The following HERC2 variants were observed in gnomAD, a reference collection of about 807,000 sequenced individuals.
HERC2 encodes HECT and RLD domain containing E3 ubiquitin protein ligase 2.
A neutral mutation model predicts 537.7 loss-of-function variants in HERC2; 102 were observed. The ratio of observed to expected loss-of-function variants is 0.19; its 90% CI spans 0.16 to 0.22. The LOEUF (loss-of-function observed/expected upper bound fraction) is 0.22. Among genes scored for constraint, HERC2 ranks in the 10% least tolerant of loss-of-function variants. The pLI is 1.00. For synonymous variants in HERC2, 2,224 were observed against 2,466.2 expected (o/e 0.90, Z 2.91); for missense variants, 4,236 against 6,198.2 (o/e 0.68, Z 10.63).
At chr15:28,319,484 C>T (rs2077175832) in intron 2 of HERC2, among the ~76,000 whole-genome samples, 1 of 149,002 alleles carries the variant, frequency 6.7e-6, no homozygotes, top group Non-Finnish European at 1.5e-5. Context: ...ACTCGGAAGG[C>T]TGAGGCGGGA....
intron 79 of HERC2, among the ~76,000 whole-genome samples, chr15:28,133,307 G>A (rs1376117352): frequency 2.0e-5 from 3 of 152,052 alleles, no homozygotes; most frequent in South Asian, 2.1e-4. Context: ...CAAACTTTTT[G>A]TTTTCTTATT....
chr15:28,154,039 T>C (rs1295757460), intron 69 of HERC2, among the ~76,000 whole-genome samples: 1 of 152,206 alleles, frequency 6.6e-6, no homozygotes, highest in African/African-American at 2.4e-5. Context: ...GTGTTCTTAT[T>C]TTATTTTAAA....
intron 56 of HERC2, among the ~76,000 whole-genome samples, 158 bp from the exon 57 acceptor site, chr15:28,182,670 G>A (rs1455618770): frequency 6.7e-6 from 1 of 148,706 alleles, no homozygotes; most frequent in Middle Eastern, 3.4e-3. Flanking sequence ...CCTCAAGCAT[G>A]TACAGGAGTA....
chr15:28,262,786 G>A (rs1329456898), intron 15 of HERC2, 132 bp downstream of exon 15: 2 of 927,512 alleles, frequency 2.2e-6, no homozygotes, highest in East Asian at 4.9e-5. Context: ...GTCCATTCAT[G>A]GAATGTCAGG....
At chr15:28,201,314 G>C in intron 48 of HERC2, 142 bp downstream of exon 48, 2 of 641,304 alleles carry the variant, frequency 3.1e-6, no homozygotes. Flanking sequence ...TGAGCTCACT[G>C]GTCAGGTATG....
At position 28,220,488 on chromosome 15, in the gene HERC2, G is replaced by A. The variant is rs570557892; in HGVS notation, c.5809C>T (p.Pro1937Ser). The change falls in exon 37 of 93, where the codon CCC becomes TCC. Residue 1937 changes from proline to serine, a missense_variant. This residue lies in a region of HERC2 where 365 missense variants were observed against 468.8 expected (regional missense o/e 0.78). Coordinates refer to ENST00000261609, the MANE Select transcript of HERC2 (RefSeq NM_004667.6). ...KLAELPAAAQ[P>S]SAEDSDTEDD... ...TCTGTGTCCGAATCCTCTGCTGAGG[G>A]CTGTGCAGCAGCCGGCAGCTCTGCC... 2 of 1,605,374 alleles carry A rather than the reference G, an allele frequency of 1.2e-6. No homozygotes were observed. The highest frequency in any genetic ancestry group is 1.3e-5 in the African/African-American group (1 of 74,970).
At chr15:28,277,577 A>G (rs1048383904) in intron 5 of HERC2, among the ~76,000 whole-genome samples, 1 of 152,220 alleles carries the variant, frequency 6.6e-6, no homozygotes, top group African/African-American at 2.4e-5. Flanking sequence ...CAGCAGAGAA[A>G]AATCAGCTGG....
intron 90 of HERC2, 141 bp downstream of exon 90, chr15:28,114,471 T>C (rs181476446): frequency 4.4e-6 from 3 of 683,520 alleles, no homozygotes; most frequent in Non-Finnish European, 7.4e-6. Context: ...ATAAGCTTTA[T>C]ACCCACAGAT....
At chr15:28,153,050 A>C (rs543933246) in intron 69 of HERC2, among the ~76,000 whole-genome samples, 1 of 152,290 alleles carries the variant, frequency 6.6e-6, no homozygotes, top group African/African-American at 2.4e-5. Context: ...CTTAGGGATG[A>C]TCTATGTTAA....
Position 28,256,379 on chromosome 15 carries a change from A to G in HERC2, c.2518-62T>C, listed in dbSNP as rs2075262077. On this transcript the variant is annotated intron_variant, in intron 17 of 92. Transcript: ENST00000261609. ...AAAAATGAGTGAATTTCAAAGTCTTATTAAACACTGAATAAAAGTCAATTT... is the reference window on the plus strand; with the variant it reads ...AAAAATGAGTGAATTTCAAAGTCTTGTTAAACACTGAATAAAAGTCAATTT... The G allele has an allele frequency of 2.8e-6, 3 of 1,067,452 alleles. No individual in the cohort carries two copies. In the African/African-American group the frequency reaches 4.7e-5, roughly 17 times the overall value. The allele number at this position is 1,067,452 out of a possible 1,614,324, so 66.1% of individuals were successfully genotyped here. A position where few individuals can be genotyped will look rare whatever the true frequency, so the allele number is the denominator to read the frequency against.
At chr15:28,115,968 C>T (rs1888191907) in intron 88 of HERC2, among the ~76,000 whole-genome samples, 1 of 152,194 alleles carries the variant, frequency 6.6e-6, no homozygotes, top group Non-Finnish European at 1.5e-5. Flanking sequence ...GACCTCACCC[C>T]ACTCTGATCC....
chr15:28,133,317 T>C (rs920541693), intron 79 of HERC2, among the ~76,000 whole-genome samples: 2 of 152,222 alleles, frequency 1.3e-5, no homozygotes, highest in African/African-American at 2.4e-5. Context: ...GTTTTCTTAT[T>C]AAGTTCTGAA....
chr15:28,302,803 CTTCTT>C (rs1293760177), intron 2 of HERC2, among the ~76,000 whole-genome samples: 1 of 151,152 alleles, frequency 6.6e-6, no homozygotes, highest in Non-Finnish European at 1.5e-5. Context: ...ATTTGTATAT[CTTCTT>C]TTGAGAAATG....
chr15:28,272,340 C>T lies in HERC2; in HGVS notation c.958G>A (p.Gly320Arg), dbSNP rs746579142. The change falls in exon 9 of 93, where the codon GGG becomes AGG. Residue 320 changes from glycine (G) to arginine (R), a missense_variant. Around this residue, in one of 27 missense-constraint regions of HERC2, gnomAD observed 491 missense variants for 559.3 expected, o/e 0.88. Transcript: ENST00000261609. ...ILLLLQLWDS[G>R]AQETDNERSA... ...CGCTCATTGTCAGTCTCCTGTGCCC[C>T]GCTGTCCCACAGCTGAAGCAACAAC... is the stretch of plus-strand genomic sequence containing the variant. The T allele has an allele frequency of 3.5e-5, 56 of 1,612,166 alleles. No individual in the cohort carries two copies. The Admixed American group carries it at 7.2e-4, about 21-fold the overall frequency.
At chr15:28,258,945 G>T (rs972139247) in intron 16 of HERC2, among the ~76,000 whole-genome samples, 1 of 152,136 alleles carries the variant, frequency 6.6e-6, no homozygotes, top group African/African-American at 2.4e-5. Flanking sequence ...AGAATACTAA[G>T]GAAAACTTGA....
chr15:28,123,364 C>T (rs1482721878), intron 85 of HERC2, among the ~76,000 whole-genome samples: 1 of 152,216 alleles, frequency 6.6e-6, no homozygotes, highest in East Asian at 1.9e-4. Context: ...AATTCTATAA[C>T]TTTTCCCTAT....
chr15:28,270,657 TACAAA>T, intron 10 of HERC2, 33 bp downstream of exon 10: 3 of 1,598,174 alleles, frequency 1.9e-6, no homozygotes, highest in Non-Finnish European at 2.6e-6. Flanking sequence ...TGGTACTAGC[TACAAA>T]ACACATGGAG....
At chr15:28,255,838 C>A in intron 19 of HERC2, 34 bp downstream of exon 19, 1 of 1,590,536 alleles carries the variant, frequency 6.3e-7, no homozygotes, top group Admixed American at 1.7e-5. Context: ...GATCTCAGTG[C>A]ACCACCAGGT....
At chr15:28,120,300 G>A (rs539866856) in intron 86 of HERC2, among the ~76,000 whole-genome samples, 3 of 152,316 alleles carry the variant, frequency 2.0e-5, no homozygotes, top group Non-Finnish European at 2.9e-5. Context: ...CAAGAGTTTC[G>A]TGTCTTAATT....
Sources: allele counts gnomAD v4.1 joint callset (sites outside exome capture counted in the v4.1 genomes callset), GRCh38; gene constraint gnomAD v4.1.1; regional missense constraint gnomAD v4.1.1; transcripts MANE v1.5; gene names NCBI Gene and HGNC (gene_info 2026-07-23, HGNC 2026-07-21).